The following DPP6 variants were observed in gnomAD, a reference collection of about 807,000 sequenced individuals.
DPP6 encodes A-type potassium channel modulatory protein DPP6.
A neutral mutation model predicts 122.6 loss-of-function variants in DPP6; 69 were observed. The observed-to-expected ratio is 0.56, with a 90% CI of 0.46 to 0.69. The LOEUF (loss-of-function observed/expected upper bound fraction) is 0.69. Among genes scored for constraint, DPP6 ranks in the 30% least tolerant of loss-of-function variants. DPP6 has a pLI of 0.00. For synonymous variants in DPP6, 418 were observed against 433.1 expected, an observed-to-expected ratio of 0.97 and a Z score of 0.43; for missense variants, 928 against 1,116.9, an observed-to-expected ratio of 0.83 and a Z score of 2.41.
At position 154,067,907 on chromosome 7, in the gene DPP6, GT is replaced by G. The variant is rs142049299; in HGVS notation, c.243+14854del. On this transcript the variant is annotated intron_variant, in intron 1 of 25. Transcript: ENST00000377770. ...CCACACCCACTCAAGGTTTTTTTTT[GT>G]TTTTTTTTTGTTTGTTTGTTTGTTT... Among the ~76,000 whole-genome samples, 23 of 142,500 alleles carry G rather than the reference GT, an allele frequency of 1.6e-4. 2 individuals are homozygous for G. The highest frequency in any genetic ancestry group is 8.1e-4 in the Admixed American group (12 of 14,766). The allele number at this position is 142,500 out of a possible 152,430, so 93.5% of individuals were successfully genotyped here.
At chr7:153,857,322 T>TCTCTCTCTCTCTCTCTCTC in the DPP6 span, among the ~76,000 whole-genome samples, 12 of 124,478 alleles carry the variant, frequency 9.6e-5, no homozygotes, top group East Asian at 1.6e-3. Flanking sequence ...CTCAAAGGTT[T>TCTCTCTCTCTCTCTCTCTC]TCTCTCTCTC....
At chr7:153,791,949 A>G in the DPP6 span, among the ~76,000 whole-genome samples, 1 of 152,220 alleles carries the variant, frequency 6.6e-6, no homozygotes, top group Non-Finnish European at 1.5e-5. Context: ...GGATCTGTTT[A>G]CCAGGAAAAT....
the DPP6 span, among the ~76,000 whole-genome samples, chr7:153,871,696 C>T: frequency 6.6e-6 from 1 of 152,194 alleles, no homozygotes; most frequent in African/African-American, 2.4e-5. Flanking sequence ...TGAGATGAAC[C>T]CAGTACCTCA....
chr7:154,156,273 G>A (rs1393706589), intron 1 of DPP6, among the ~76,000 whole-genome samples: 2 of 152,258 alleles, frequency 1.3e-5, no homozygotes, highest in African/African-American at 2.4e-5. Flanking sequence ...TGTGAGACTG[G>A]GTCCCAGAAC....
At chr7:154,221,972 C>G (rs2150830928) in intron 1 of DPP6, among the ~76,000 whole-genome samples, 1 of 151,986 alleles carries the variant, frequency 6.6e-6, no homozygotes, top group East Asian at 1.9e-4. Flanking sequence ...AAAATGAAGA[C>G]TCCTTACTCT....
chr7:154,766,007 G>A (rs943060128), intron 8 of DPP6, among the ~76,000 whole-genome samples: 1 of 152,206 alleles, frequency 6.6e-6, no homozygotes, highest in African/African-American at 2.4e-5. Flanking sequence ...ATGCTAAAAT[G>A]TCAAGGTTTC....
At position 154,646,027 on chromosome 7, in the gene DPP6, C is replaced by CAAAAAAAAAAAAAA. The variant is rs71184020; in HGVS notation, c.680+8159_680+8172dup. On this transcript the variant is annotated intron_variant, in intron 6 of 25. Coordinates refer to ENST00000377770, the MANE Select transcript of DPP6 (RefSeq NM_130797.4). ...CGGGCGGCAGAGTGAGACTCCGTCTCAAAAAAAAAAAAAAAAAAGAAAATA... is the reference window on the plus strand; with the variant it reads ...CGGGCGGCAGAGTGAGACTCCGTCTCAAAAAAAAAAAAAAAAAAAAAAAAAAAAAAAAGAAAATA... Among the ~76,000 whole-genome samples the CAAAAAAAAAAAAAA allele has an allele frequency of 4.7e-3, 272 of 57,926 alleles. 30 individuals are homozygous for CAAAAAAAAAAAAAA. Among genetic ancestry groups the CAAAAAAAAAAAAAA allele is most frequent in the Middle Eastern group, 0.025 (1 of 40 alleles). The allele number at this position is 57,926 out of a possible 152,430, so 38.0% of individuals were successfully genotyped here. A position where few individuals can be genotyped will look rare whatever the true frequency, so the allele number is the denominator to read the frequency against.
the DPP6 span, among the ~76,000 whole-genome samples, chr7:153,786,989 T>C: frequency 6.8e-6 from 1 of 146,314 alleles, no homozygotes; most frequent in Non-Finnish European, 1.5e-5. Context: ...TCTCGCTCTG[T>C]CGCCCGGGCT....
At chr7:154,518,994 C>T (rs56145168) in intron 3 of DPP6, among the ~76,000 whole-genome samples, 26,636 of 151,982 alleles carry the variant, frequency 0.18, 2,491 homozygotes, top group Non-Finnish European at 0.2. Flanking sequence ...GAAACAAATG[C>T]GAGGACATTC....
chr7:154,147,620 C>T (rs1796172216), intron 1 of DPP6, among the ~76,000 whole-genome samples: 1 of 151,698 alleles, frequency 6.6e-6, no homozygotes, highest in Non-Finnish European at 1.5e-5. Context: ...GCTGGGATTA[C>T]AGGCACCCAC....
At position 154,280,886 on chromosome 7, in the gene DPP6, C is replaced by T. The variant is rs74790273; in HGVS notation, c.244-165328C>T. ...TAACCATTGTTATCCCATTTTTCCA[C>T]GTGAGGACACTGTGGTAGGTTAAGA... is the stretch of plus-strand genomic sequence containing the variant. On this transcript the variant is annotated intron_variant, in intron 1 of 25. Coordinates refer to ENST00000377770, the MANE Select transcript of DPP6 (RefSeq NM_130797.4). Among the ~76,000 whole-genome samples, 638 of 152,156 alleles carry T rather than the reference C, an allele frequency of 4.2e-3. 4 individuals are homozygous for T. The highest frequency in any genetic ancestry group is 0.015 in the African/African-American group (603 of 41,488).
chr7:154,175,292 C>T (rs187829720), intron 1 of DPP6, among the ~76,000 whole-genome samples: 7 of 152,108 alleles, frequency 4.6e-5, no homozygotes, highest in South Asian at 4.2e-4. Flanking sequence ...GGTTGGAAAT[C>T]GTCTTGGATT....
At chr7:154,424,315 A>T (rs1817717538) in intron 1 of DPP6, among the ~76,000 whole-genome samples, 1 of 152,228 alleles carries the variant, frequency 6.6e-6, no homozygotes, top group African/African-American at 2.4e-5. Flanking sequence ...AAAACAACAT[A>T]AATTTATTAT....
chr7:154,151,163 A>G (rs542128265), intron 1 of DPP6, among the ~76,000 whole-genome samples: 168 of 152,272 alleles, frequency 1.1e-3, no homozygotes, highest in Non-Finnish European at 2.1e-3. Flanking sequence ...GGCTTCTTCC[A>G]TGGAAGCTGC....
At chr7:154,323,408 G>A (rs1018220383) in intron 1 of DPP6, among the ~76,000 whole-genome samples, 16 of 152,230 alleles carry the variant, frequency 1.1e-4, no homozygotes, top group Middle Eastern at 3.4e-3. Context: ...TCCGTTGACT[G>A]TGTGAGTGTG....
upstream of DPP6, among the ~76,000 whole-genome samples, chr7:154,052,083 A>G (rs1351437841): frequency 1.4e-5 from 2 of 147,116 alleles, no homozygotes; most frequent in Non-Finnish European, 1.5e-5. This position sits in a 1 kb window ranked among gnomAD's most constrained non-coding sequence, Gnocchi z 4.8. Flanking sequence ...CGACCTCCGC[A>G]TCCCCTTGCA....
At chr7:154,868,211 A>G in intron 18 of DPP6, 118 bp downstream of exon 18, 1 of 1,338,110 alleles carries the variant, frequency 7.5e-7, no homozygotes. Context: ...ACGGGGGTGT[A>G]TCTTTGCCCC....
chr7:153,873,943 A>G, the DPP6 span, among the ~76,000 whole-genome samples: 1 of 152,252 alleles, frequency 6.6e-6, no homozygotes, highest in Non-Finnish European at 1.5e-5. Context: ...GAAACACACT[A>G]GAGTTTGAAT....
At chr7:153,823,639 C>T in the DPP6 span, among the ~76,000 whole-genome samples, 8 of 149,544 alleles carry the variant, frequency 5.3e-5, no homozygotes, top group Admixed American at 4.0e-4. Context: ...ATATACTCCC[C>T]GGGGATCAGG....
Sources: allele counts gnomAD v4.1 joint callset (sites outside exome capture counted in the v4.1 genomes callset), GRCh38; gene constraint gnomAD v4.1.1; non-coding constraint Gnocchi (gnomAD v3.1); transcripts MANE v1.5; gene names NCBI Gene and HGNC (gene_info 2026-07-23, HGNC 2026-07-21).